GLB1L2: variants seen among roughly 807,000 people sequenced by gnomAD.
The protein encoded by GLB1L2 is galactosidase beta 1 like 2.
GLB1L2 carries 68 observed loss-of-function variants against 84.1 expected under a neutral mutation model. The ratio of observed to expected loss-of-function variants is 0.81; its 90% confidence interval spans 0.67 to 0.99. The LOEUF is 0.99. Among genes scored for constraint, GLB1L2 ranks in the 50% least tolerant of loss-of-function variants. The pLI is 0.00. For synonymous variants in GLB1L2, 290 were observed against 318.0 expected, an observed-to-expected ratio of 0.91 and a Z score of 0.94; for missense variants, 762 against 805.6, an observed-to-expected ratio of 0.95 and a Z score of 0.66.
intron 1 of GLB1L2, 90 bp downstream of exon 1, chr11:134,332,237 C>T (rs1416963310): frequency 3.3e-6 from 3 of 909,838 alleles, no homozygotes; most frequent in East Asian, 3.1e-5. Flanking sequence ...CCCGCGAATC[C>T]CGAGTTCCCG....
chr11:134,340,294 A>G (rs921157630), intron 1 of GLB1L2, among the ~76,000 whole-genome samples: 1 of 152,000 alleles, frequency 6.6e-6, no homozygotes, highest in African/African-American at 2.4e-5. Flanking sequence ...GTGTGTGTGC[A>G]TGTGCATGTG....
intron 15 of GLB1L2, 47 bp downstream of exon 15, chr11:134,371,877 C>A: frequency 6.4e-7 from 1 of 1,566,230 alleles, no homozygotes; most frequent in Non-Finnish European, 8.8e-7. Flanking sequence ...GCTGGACACA[C>A]AGGTGGCTAT....
At chr11:134,363,072 C>T (rs577302269) in intron 7 of GLB1L2, among the ~76,000 whole-genome samples, 2 of 152,264 alleles carry the variant, frequency 1.3e-5, no homozygotes, top group Admixed American at 1.3e-4. Flanking sequence ...CCCTGTGCAT[C>T]CTGCGGACTT....
At chr11:134,362,027 T>C (rs1943800170) in intron 7 of GLB1L2, among the ~76,000 whole-genome samples, 1 of 152,190 alleles carries the variant, frequency 6.6e-6, no homozygotes, top group African/African-American at 2.4e-5. Flanking sequence ...TGTGCGTGTC[T>C]TTCGTGGTGC....
At position 134,338,962 on chromosome 11, in the gene GLB1L2, C is replaced by T. The variant is rs529128823; in HGVS notation, c.87-3792C>T. Among the ~76,000 whole-genome samples, 51 of 152,238 alleles carry T rather than the reference C, an allele frequency of 3.4e-4. No homozygotes were observed. Among genetic ancestry groups the T allele is most frequent in the African/African-American group, 9.4e-4 (39 of 41,522 alleles). On this transcript the variant is annotated intron_variant, in intron 1 of 18. Coordinates refer to ENST00000535456, the MANE Select transcript of GLB1L2 (RefSeq NM_001370461.1). This position sits in a 1 kb window ranked among gnomAD's most constrained non-coding sequence, Gnocchi z 6.2. Reference sequence around the variant, plus strand: ...AGCACTGAGTTCAGGGTTTGCTGTCCGGACTCTTCTAAGGTGGAAAAATCG... The same window carrying T: ...AGCACTGAGTTCAGGGTTTGCTGTCTGGACTCTTCTAAGGTGGAAAAATCG...
chr11:134,341,026 T>C (rs1028156058), intron 1 of GLB1L2, among the ~76,000 whole-genome samples: 4 of 152,182 alleles, frequency 2.6e-5, no homozygotes, highest in Non-Finnish European at 4.4e-5. Context: ...TTAGAAATTG[T>C]CATAAGATGG....
intron 5 of GLB1L2, among the ~76,000 whole-genome samples, chr11:134,351,136 C>T (rs1943625137): frequency 6.6e-6 from 1 of 152,176 alleles, no homozygotes; most frequent in Non-Finnish European, 1.5e-5. Context: ...AGTCTTTCAC[C>T]AGTGAATATG....
At chr11:134,371,695 T>G in intron 14 of GLB1L2, 57 bp from the exon 15 acceptor site, 1 of 1,572,270 alleles carries the variant, frequency 6.4e-7, no homozygotes, top group Admixed American at 1.7e-5. Context: ...CACAAGCAAA[T>G]TCTGAGGGGC....
At position 134,375,162 on chromosome 11, in the gene GLB1L2, T is replaced by A; in HGVS notation, c.*104T>A. On this transcript the variant is annotated 3_prime_UTR_variant, in exon 19 of 19. Transcript: ENST00000535456. ...ACCCCTCACTGCAAAAGCATCTCCT[T>A]AAGTAGCAACCTCAGGGACTGGGGG... The A allele has an allele frequency of 1.2e-6, 1 of 832,004 alleles. No individual in the cohort carries two copies. Among genetic ancestry groups the A allele is most frequent in the Non-Finnish European group, 1.9e-6 (1 of 517,004 alleles). 51.5% of individuals were successfully genotyped at this position (832,004 alleles called of 1,614,324 possible).
At chr11:134,343,042 G>GT in intron 2 of GLB1L2, 91 bp downstream of exon 2, 1 of 1,355,420 alleles carries the variant, frequency 7.4e-7, no homozygotes, top group Non-Finnish European at 1.0e-6. Context: ...ACCGGCCCAG[G>GT]TCCTCTGCCC....
chr11:134,336,619 T>C (rs1943391883), intron 1 of GLB1L2, among the ~76,000 whole-genome samples: 1 of 152,198 alleles, frequency 6.6e-6, no homozygotes, highest in Non-Finnish European at 1.5e-5. Flanking sequence ...CATTTCCAAA[T>C]AGTACATTTT....
intron 6 of GLB1L2, among the ~76,000 whole-genome samples, chr11:134,357,246 C>T (rs1177840914): frequency 6.6e-6 from 1 of 152,230 alleles, no homozygotes; most frequent in East Asian, 1.9e-4. Context: ...CTACGACGTG[C>T]AGAGCATTTT....
At chr11:134,352,692 G>A (rs1411504489) in intron 5 of GLB1L2, among the ~76,000 whole-genome samples, 1 of 149,272 alleles carries the variant, frequency 6.7e-6, no homozygotes, top group African/African-American at 2.5e-5. Flanking sequence ...TTGTCGCCCA[G>A]GCAGGAGTGC....
In GLB1L2 at chr11:134,375,033, T is replaced by C; in HGVS notation, c.1886T>C (p.Leu629Pro). The C allele has an allele frequency of 6.2e-7, 1 of 1,613,752 alleles. No homozygotes were observed. The highest frequency in any genetic ancestry group is 8.5e-7 in the Non-Finnish European group (1 of 1,179,950). Residue 629 changes from leucine (L) to proline (P), a missense_variant, in exon 19 of 19, where the codon CTG (leucine) becomes CCG (proline). Leu to Pro is a moderately conservative substitution (Grantham distance 98, BLOSUM62 -3). Around this residue, in one of 3 missense-constraint regions of GLB1L2, gnomAD observed 603 missense variants for 611.7 expected, o/e 0.99. Transcript: ENST00000535456. ...TTACAGTTCACGGAAACCCCCCACC[T>C]GGGCAGGAACCAGTACATTAAGTGA... ...PALQFTETPH[L>P]GRNQYIK
rs1272512650 is a variant in GLB1L2, at chr11:134,359,131, T to G, written c.723T>G (p.Ile241Met). ...ACAAGGATGGGCTGAGCAAGGGGAT[T>G]GTCCAGGGAGGTAACTGCACTTGTG... The part of the protein sequence containing the change: ...SDNKDGLSKG[I>M]VQGVLATINL... Residue 241 changes from isoleucine to methionine, a missense_variant, in exon 7 of 19, where the codon ATT becomes ATG. By Grantham distance (10) the Ile-to-Met change is conservative. Around this residue, in one of 3 missense-constraint regions of GLB1L2, gnomAD observed 603 missense variants for 611.7 expected, o/e 0.99. Coordinates refer to ENST00000535456, the MANE Select transcript of GLB1L2 (RefSeq NM_001370461.1). The G allele has an allele frequency of 6.2e-7, 1 of 1,601,334 alleles. No homozygotes were observed. The highest frequency in any genetic ancestry group is 8.5e-7 in the Non-Finnish European group (1 of 1,173,854).
In GLB1L2 at chr11:134,347,365, T is replaced by TA; in HGVS notation, c.491dup (p.Tyr164Ter). The TA allele has an allele frequency of 6.2e-7, 1 of 1,614,166 alleles. No individual in the cohort carries two copies. The highest frequency in any genetic ancestry group is 8.5e-7 in the Non-Finnish European group (1 of 1,180,000). Residue 164 changes from tyrosine (Y) to a stop codon, truncating the protein, a stop_gained and frameshift_variant, in exon 5 of 19, where the codon TAC becomes TAAC. Transcript: ENST00000535456. LOFTEE classifies it high-confidence loss of function. ...CCCTGGCATGAGGCTGAGGACAACT[T>TA]ACAAGGGCTTCACCGAAGCAGTGGA... Reference protein sequence around the residue: ...QDPGMRLRTTYKGFTEAVDLY... With the variant: ...QDPGMRLRTT
chr11:134,343,018 A>G (rs890827165), intron 2 of GLB1L2, 67 bp downstream of exon 2: 13 of 1,512,036 alleles, frequency 8.6e-6, no homozygotes, highest in Non-Finnish European at 1.2e-5. Context: ...TGCATGCGAA[A>G]AAATATAAGA....
chr11:134,371,831 G>C lies in GLB1L2; in HGVS notation c.1507+1G>C, dbSNP rs145066632. ...GAGAATATTGATGACCAGCGCAAAG[G>C]TGGGTCCCAGAATGTGTCAAAAGAA... On this transcript the variant is annotated splice_donor_variant, in intron 15 of 18. Coordinates refer to ENST00000535456, the MANE Select transcript of GLB1L2 (RefSeq NM_001370461.1). LOFTEE classifies it high-confidence loss of function. The C allele has an allele frequency of 1.4e-4, 226 of 1,613,864 alleles. No homozygotes were observed. The highest frequency in any genetic ancestry group is 1.6e-4 in the Middle Eastern group (1 of 6,076).
At chr11:134,350,985 G>C (rs574956606) in intron 5 of GLB1L2, among the ~76,000 whole-genome samples, 1 of 152,342 alleles carries the variant, frequency 6.6e-6, no homozygotes, top group African/African-American at 2.4e-5. Flanking sequence ...TGTGAACAGA[G>C]ATAACTTCTT....
Sources: gnomAD v4.1 joint callset for allele counts (sites outside exome capture counted in the v4.1 genomes callset) on GRCh38, gnomAD v4.1.1 for gene constraint, gnomAD v4.1.1 regional missense constraint, Gnocchi (gnomAD v3.1) non-coding constraint, MANE v1.5 for transcripts, NCBI Gene and HGNC (gene_info 2026-07-23, HGNC 2026-07-21) for gene names.